Variants in GALNT13 observed in about 807,000 individuals in gnomAD.
The protein encoded by GALNT13 is UDP-GalNAc:polypeptide N-acetylgalactosaminyltransferase 13.
GALNT13 carries 28 observed loss-of-function variants against 64.2 expected under a neutral mutation model. The observed-to-expected ratio is 0.44, with a 90% confidence interval of 0.32 to 0.60. The LOEUF is 0.60. Among genes scored for constraint, GALNT13 ranks in the 20% least tolerant of loss-of-function variants. The pLI, the probability that GALNT13 is intolerant of heterozygous loss-of-function variation, is 0.05. For missense variants in GALNT13, 577 were observed against 669.8 expected, an observed-to-expected ratio of 0.86 and a Z score of 1.53; for synonymous variants, 214 against 224.6, an observed-to-expected ratio of 0.95 and a Z score of 0.42.
At chr2:154,024,063 A>C (rs1233793822) in intron 3 of GALNT13, among the ~76,000 whole-genome samples, 55 of 152,254 alleles carry the variant, frequency 3.6e-4, no homozygotes, top group African/African-American at 9.1e-4. Flanking sequence ...CCGAGAGATC[A>C]GCTGTTAGTC....
rs372547744 is a variant in GALNT13, at chr2:154,245,808, G to A, written c.687-4G>A. 18 of 1,581,308 alleles carry A rather than the reference G, an allele frequency of 1.1e-5. No individual in the cohort carries two copies. In the Middle Eastern group the frequency reaches 8.5e-4, roughly 74 times the overall value. ...TCTATAAATTGGTTTTAATTTCTCT[G>A]CAGGAAAACGGTTGTCTGCCCTATC... On this transcript the variant is annotated splice_region_variant and splice_polypyrimidine_tract_variant and intron_variant, in intron 6 of 12. Coordinates refer to ENST00000392825, the MANE Select transcript of GALNT13 (RefSeq NM_052917.4).
chr2:153,664,852 C>T, the GALNT13 span, among the ~76,000 whole-genome samples: 1 of 152,126 alleles, frequency 6.6e-6, no homozygotes, highest in African/African-American at 2.4e-5. Context: ...CCCACTTACA[C>T]CCCTGCCAAC....
At chr2:153,537,001 C>T in the GALNT13 span, among the ~76,000 whole-genome samples, 1 of 152,198 alleles carries the variant, frequency 6.6e-6, no homozygotes, top group African/African-American at 2.4e-5. Context: ...TGGGAAATCA[C>T]TGCGAGAACT....
the GALNT13 span, among the ~76,000 whole-genome samples, chr2:153,250,362 T>G: frequency 2.6e-5 from 4 of 152,244 alleles, no homozygotes; most frequent in Non-Finnish European, 5.9e-5. Flanking sequence ...AGAATGGTGA[T>G]TATTAAATGT....
chr2:153,980,185 TAGTGAC>T (rs1694365557), intron 3 of GALNT13, among the ~76,000 whole-genome samples: 1 of 152,176 alleles, frequency 6.6e-6, no homozygotes, highest in South Asian at 2.1e-4. Flanking sequence ...CCAAGGAGGC[TAGTGAC>T]ATGGTCAAAT....
chr2:153,524,778 G>T, the GALNT13 span, among the ~76,000 whole-genome samples: 1 of 152,174 alleles, frequency 6.6e-6, no homozygotes, highest in Non-Finnish European at 1.5e-5. Context: ...TGGGCTAAAG[G>T]AGCTCTGGGG....
At chr2:154,201,575 T>C (rs1319493296) in intron 4 of GALNT13, among the ~76,000 whole-genome samples, 3 of 152,124 alleles carry the variant, frequency 2.0e-5, no homozygotes, top group Non-Finnish European at 4.4e-5. Context: ...TTAGACAATT[T>C]TGCAGTTTAA....
At chr2:153,079,399 G>A in the GALNT13 span, among the ~76,000 whole-genome samples, 1 of 152,172 alleles carries the variant, frequency 6.6e-6, no homozygotes, top group Non-Finnish European at 1.5e-5. Flanking sequence ...AATTTATAAA[G>A]CATAAAGGAG....
At chr2:153,097,763 C>CA in the GALNT13 span, among the ~76,000 whole-genome samples, 156 of 152,242 alleles carry the variant, frequency 1.0e-3, 2 homozygotes, top group South Asian at 0.014. Context: ...TCAGATCATA[C>CA]AGGCATTACA....
chr2:154,030,487 T>A (rs1466995118), intron 3 of GALNT13, among the ~76,000 whole-genome samples: 1 of 152,124 alleles, frequency 6.6e-6, no homozygotes, highest in African/African-American at 2.4e-5. Flanking sequence ...GAGAATTTAT[T>A]GTCAGCAGAG....
the GALNT13 span, among the ~76,000 whole-genome samples, chr2:153,369,200 A>G: frequency 3.9e-5 from 6 of 152,086 alleles, no homozygotes; most frequent in Non-Finnish European, 8.8e-5. Flanking sequence ...TGGAATTAAG[A>G]GCTTTTTTTA....
chr2:153,640,147 G>T, the GALNT13 span, among the ~76,000 whole-genome samples: 4 of 152,132 alleles, frequency 2.6e-5, no homozygotes, highest in East Asian at 7.7e-4. Flanking sequence ...CGAGATCTCT[G>T]TGGCTCCCTC....
the GALNT13 span, among the ~76,000 whole-genome samples, chr2:153,600,697 T>C: frequency 6.6e-6 from 1 of 152,070 alleles, no homozygotes; most frequent in East Asian, 1.9e-4. Flanking sequence ...TAAATCCTGA[T>C]GCCTTAAGAC....
chr2:153,099,602 C>T, the GALNT13 span, among the ~76,000 whole-genome samples: 1 of 152,074 alleles, frequency 6.6e-6, no homozygotes, highest in East Asian at 1.9e-4. Flanking sequence ...AATGGCTAAA[C>T]ATTTTACTTT....
At chr2:153,852,266 A>T in the GALNT13 span, among the ~76,000 whole-genome samples, 1 of 152,230 alleles carries the variant, frequency 6.6e-6, no homozygotes, top group Admixed American at 6.5e-5. Context: ...ATGAAACGCA[A>T]CAACTGTATA....
At chr2:153,171,823 G>C in the GALNT13 span, among the ~76,000 whole-genome samples, 1 of 152,130 alleles carries the variant, frequency 6.6e-6, no homozygotes, top group Non-Finnish European at 1.5e-5. Flanking sequence ...GCCAAATTGA[G>C]TTATTTTCTG....
chr2:154,129,477 G>A (rs1199122937), intron 3 of GALNT13, among the ~76,000 whole-genome samples: 2 of 152,130 alleles, frequency 1.3e-5, no homozygotes, highest in East Asian at 3.9e-4. Context: ...TCAATGCAAT[G>A]TAACAGCGAA....
chr2:153,448,958 C>T, the GALNT13 span, among the ~76,000 whole-genome samples: 1 of 152,102 alleles, frequency 6.6e-6, no homozygotes, highest in Non-Finnish European at 1.5e-5. Context: ...TTATAAGAGA[C>T]ACCAGAGAGC....
chr2:153,955,429 AC>A (rs1692495797), intron 3 of GALNT13, among the ~76,000 whole-genome samples: 1 of 152,206 alleles, frequency 6.6e-6, no homozygotes, highest in Admixed American at 6.5e-5. Flanking sequence ...AAAGTGAAGT[AC>A]CAGGAGAAGC....
Sources: allele counts gnomAD v4.1 joint callset (sites outside exome capture counted in the v4.1 genomes callset), GRCh38; gene constraint gnomAD v4.1.1; transcripts MANE v1.5; gene names NCBI Gene and HGNC (gene_info 2026-07-23, HGNC 2026-07-21).